The following MRPL11 variants were observed in gnomAD, a reference collection of about 807,000 sequenced individuals.
MRPL11 encodes large ribosomal subunit protein uL11m.
Under a neutral mutation model 19.1 loss-of-function variants are expected in MRPL11, and 21 were observed. The ratio of observed to expected loss-of-function variants is 1.10; its 90% CI spans 0.78 to 1.58. MRPL11 has a LOEUF of 1.58. MRPL11 is among the 40% of genes most tolerant of loss of function. MRPL11 has a pLI of 0.00. For missense variants in MRPL11, 242 were observed against 243.9 expected, an observed-to-expected ratio of 0.99 and a Z score of 0.05; for synonymous variants, 108 against 99.7, an observed-to-expected ratio of 1.08 and a Z score of -0.49.
Position 66,438,163 on chromosome 11 carries a change from C to A in MRPL11, c.219+1G>T. On this transcript the variant is annotated splice_donor_variant, in intron 2 of 4. Transcript: ENST00000310999. LOFTEE classifies it high-confidence loss of function. Reference sequence around the variant, plus strand: ...ACCAGGGATCAGAGTCCAGACTCCACCTTCACTAAAATCTTGGTAGGCAGA... The same window carrying A: ...ACCAGGGATCAGAGTCCAGACTCCAACTTCACTAAAATCTTGGTAGGCAGA... 6.2e-7 allele frequency: 1 copy of A among 1,608,284 alleles called. No homozygotes were observed. Among genetic ancestry groups the A allele is most frequent in the Non-Finnish European group, 8.5e-7 (1 of 1,174,676 alleles).
intron 2 of MRPL11, 48 bp from the exon 3 acceptor site, chr11:66,437,491 C>T (rs753923092): frequency 6.4e-7 from 1 of 1,566,916 alleles, no homozygotes; most frequent in African/African-American, 1.4e-5. Context: ...ACTGCCCCAT[C>T]CCAGGGAACT....
At chr11:66,437,624 G>C (rs1441176121) in intron 2 of MRPL11, among the ~76,000 whole-genome samples, 181 bp from the exon 3 acceptor site, 1 of 152,156 alleles carries the variant, frequency 6.6e-6, no homozygotes, top group Non-Finnish European at 1.5e-5. Context: ...TATAATCCCA[G>C]CACTTTGGGA....
Position 66,435,977 on chromosome 11 carries a change from T to G in MRPL11, c.*30A>C. On this transcript the variant is annotated 3_prime_UTR_variant, in exon 5 of 5. Coordinates refer to ENST00000310999, the MANE Select transcript of MRPL11 (RefSeq NM_016050.5). ...GGGCACAGCTTTTGCAACTACCTCC[T>G]TTGAAATCTGGGAGTTGGTGGGGCA... 6.3e-7 allele frequency: 1 copy of G among 1,578,468 alleles called. No homozygotes were observed. The highest frequency in any genetic ancestry group is 2.2e-5 in the East Asian group (1 of 44,624).
Position 66,436,075 on chromosome 11 carries a change from G to T in MRPL11, c.511C>A (p.Arg171=). The T allele has an allele frequency of 2.5e-6, 4 of 1,613,990 alleles. No homozygotes were observed. The highest frequency in any genetic ancestry group is 2.5e-6 in the Non-Finnish European group (3 of 1,179,968). Residue 171 remains arginine, a synonymous_variant, in exon 5 of 5, where the codon CGA becomes AGA. Transcript: ENST00000310999. Reference sequence around the variant, plus strand: ...TTCTGAGCAGCCAGGAAGATGGCTCGTTCCTTCTGGAAAGCTGCAAGCTCT... The same window carrying T: ...TTCTGAGCAGCCAGGAAGATGGCTCTTTCCTTCTGGAAAGCTGCAAGCTCT... ...SEELAAFQKE[R]AIFLAAQKEA... is the part of the protein sequence containing the mutation.
intron 2 of MRPL11, 25 bp downstream of exon 2, chr11:66,438,139 C>G (rs1186443335): frequency 1.3e-6 from 2 of 1,544,708 alleles, no homozygotes; most frequent in African/African-American, 1.4e-5. Context: ...GAGAAGGAAA[C>G]CAGGGATCAG....
rs1316055484 is a variant in MRPL11, at chr11:66,436,068, A to G, written c.518T>C (p.Ile173Thr). ...TGCCTCCTTCTGAGCAGCCAGGAAG[A>G]TGGCTCGTTCCTTCTGGAAAGCTGC... ...ELAAFQKERAIFLAAQKEADL... is the reference protein window; with the variant it reads ...ELAAFQKERATFLAAQKEADL... Residue 173 changes from isoleucine to threonine, a missense_variant, in exon 5 of 5, where the codon ATC becomes ACC. Coordinates refer to ENST00000310999, the MANE Select transcript of MRPL11 (RefSeq NM_016050.5). 11 of 1,614,070 alleles carry G rather than the reference A, an allele frequency of 6.8e-6. No homozygotes were observed. Among genetic ancestry groups the G allele is most frequent in the Non-Finnish European group, 8.5e-6 (10 of 1,179,988 alleles).
rs776956986 is a variant in MRPL11, at chr11:66,438,659, C to T, written c.96G>A (p.Gly32=). Residue 32 remains glycine, a synonymous_variant, in exon 1 of 5, where the codon GGG becomes GGA. Transcript: ENST00000310999. ...GACCCAGCACTGGGCCTAGTGGGGG[C>T]CCGGGCATGGCCAGGCCTGCCCGCA... ...AIVRAGLAMP[G]PPLGPVLGQR... 6.4e-7 allele frequency: 1 copy of T among 1,562,494 alleles called. No individual in the cohort carries two copies. The highest frequency in any genetic ancestry group is 1.1e-5 in the South Asian group (1 of 87,018).
Position 66,438,740 on chromosome 11 carries a change from G to T in MRPL11, c.15C>A (p.Gly5=). MSKL[G]RAARGLRKPE... is the part of the protein sequence containing the mutation. ...GCTTCCTGAGGCCCCGGGCGGCCCG[G>T]CCGAGCTTTGACATGATGCGGGGCT... Residue 5 remains glycine (G), a synonymous_variant, in exon 1 of 5, where the codon GGC becomes GGA. Coordinates refer to ENST00000310999, the MANE Select transcript of MRPL11 (RefSeq NM_016050.5). The T allele has an allele frequency of 6.4e-7, 1 of 1,568,180 alleles. No individual in the cohort carries two copies.
chr11:66,438,111 G>T, intron 2 of MRPL11, 53 bp downstream of exon 2: 2 of 1,339,908 alleles, frequency 1.5e-6, no homozygotes, highest in African/African-American at 1.4e-5. Context: ...CAGTCCCAGG[G>T]CCGAGGAAGA....
intron 4 of MRPL11, among the ~76,000 whole-genome samples, chr11:66,436,491 TA>T (rs547445000): frequency 4.7e-4 from 67 of 143,862 alleles, no homozygotes; most frequent in South Asian, 3.7e-3. Flanking sequence ...ATGCTCCCAG[TA>T]AAAAAAAAAA....
intron 2 of MRPL11, 137 bp downstream of exon 2, chr11:66,438,025 ATC>A: frequency 1.6e-6 from 1 of 637,652 alleles, no homozygotes. Flanking sequence ...AAAAAATATG[ATC>A]TAGTCCTAAA....
rs1231913466 is a variant in MRPL11 at position 66,437,435 on chromosome 11, C to T, written c.228G>A (p.Arg76=). 6.2e-7 allele frequency: 1 copy of T among 1,614,118 alleles called. No homozygotes were observed. The highest frequency in any genetic ancestry group is 8.5e-7 in the Non-Finnish European group (1 of 1,179,982). The change falls in exon 3 of 5, where the codon AGG becomes AGA. Residue 76 remains arginine, a synonymous_variant. Transcript: ENST00000310999. ...GCTGTCCAATCTTAATTTCAAATGT[C>T]CTGTCAGGCTTAACAGAAAAAAGAA... is the stretch of plus-strand genomic sequence containing the variant. ...LPTKILVKPD[R]TFEIKIGQPT...
intron 4 of MRPL11, among the ~76,000 whole-genome samples, chr11:66,436,371 C>T (rs1156591366): frequency 6.6e-6 from 1 of 152,166 alleles, no homozygotes; most frequent in Admixed American, 6.5e-5. Context: ...AGCCAGGCCC[C>T]AGTCCAGATT....
At chr11:66,438,436 A>G (rs1329585585) in intron 1 of MRPL11, among the ~76,000 whole-genome samples, 177 bp from the exon 2 acceptor site, 1 of 152,200 alleles carries the variant, frequency 6.6e-6, no homozygotes, top group Non-Finnish European at 1.5e-5. Context: ...TATCCTCATT[A>G]CAGCACATTG....
intron 2 of MRPL11, 114 bp from the exon 3 acceptor site, chr11:66,437,557 A>T (rs1208949319): frequency 1.1e-6 from 1 of 907,800 alleles, no homozygotes; most frequent in South Asian, 1.5e-5. Context: ...ATCCCTCAAA[A>T]AGACCACAGA....
intron 4 of MRPL11, chr11:66,436,751 C>T (rs1403917545): frequency 9.0e-6 from 11 of 1,227,892 alleles, no homozygotes; most frequent in Admixed American, 7.1e-5. Flanking sequence ...CAGGAGCAAG[C>T]ATGAACCTGA....
rs761299355 is a variant in MRPL11 at position 66,436,943 on chromosome 11, C to T, written c.473+161G>A. 4 of 1,597,878 alleles carry T rather than the reference C, an allele frequency of 2.5e-6. No individual in the cohort carries two copies. In the African/African-American group the frequency reaches 4.0e-5, roughly 16 times the overall value. On this transcript the variant is annotated intron_variant, in intron 4 of 4. Transcript: ENST00000310999. ...TAACAGGTGCCCAATAAGAGTATTC[C>T]AGATCAATGAATGTGGCCTCCCACC...
rs753691451 is a variant in MRPL11 at position 66,436,046 on chromosome 11, C to T, written c.540G>A (p.Glu180=). Residue 180 remains glutamate, a synonymous_variant, in exon 5 of 5, where the codon GAG becomes GAA. Coordinates refer to ENST00000310999, the MANE Select transcript of MRPL11 (RefSeq NM_016050.5). The part of the protein sequence containing the change: ...ERAIFLAAQK[E]ADLAAQEEAA... The stretch of plus-strand genomic sequence containing the variant: ...CTTCTTCTTGGGCAGCCAAATCTGC[C>T]TCCTTCTGAGCAGCCAGGAAGATGG... 1 of 1,614,040 alleles carries T rather than the reference C, an allele frequency of 6.2e-7. No individual in the cohort carries two copies. The highest frequency in any genetic ancestry group is 1.7e-5 in the Admixed American group (1 of 60,016).
In MRPL11 at chr11:66,438,208, C is replaced by T; in HGVS notation, c.175G>A (p.Asp59Asn). ...GGCAGAGGAATGCCTTCCTTGATGTCCTTTGTCCTCTCATTGAACTCCTTG... is the reference window on the plus strand; with the variant it reads ...GGCAGAGGAATGCCTTCCTTGATGTTCTTTGTCCTCTCATTGAACTCCTTG... Reference protein sequence around the residue: ...FCKEFNERTKDIKEGIPLPTK... With the variant: ...FCKEFNERTKNIKEGIPLPTK... The change falls in exon 2 of 5, where the codon GAC becomes AAC. Residue 59 changes from aspartate to asparagine, a missense_variant. By Grantham distance (23) the Asp-to-Asn change is conservative (BLOSUM62 1). Transcript: ENST00000310999. 6.2e-7 allele frequency: 1 copy of T among 1,614,106 alleles called. No homozygotes were observed. Among genetic ancestry groups the T allele is most frequent in the South Asian group, 1.1e-5 (1 of 91,076 alleles).
Sources: allele counts gnomAD v4.1 joint callset (sites outside exome capture counted in the v4.1 genomes callset), GRCh38; gene constraint gnomAD v4.1.1; transcripts MANE v1.5; gene names NCBI Gene and HGNC (gene_info 2026-07-23, HGNC 2026-07-21).